SH3RF1: variants seen among roughly 807,000 people sequenced by gnomAD.
The protein encoded by SH3RF1 is SH3 domain containing ring finger 1, also known as E3 ubiquitin-protein ligase SH3RF1.
SH3RF1 carries 32 observed loss-of-function variants against 74.0 expected under a neutral mutation model. That is an observed-to-expected ratio of 0.43 (90% CI 0.33 to 0.58). The LOEUF (loss-of-function observed/expected upper bound fraction) is 0.58. Among genes scored for constraint, SH3RF1 ranks in the 20% least tolerant of loss-of-function variants. The pLI is 0.05. For synonymous variants in SH3RF1, 396 were observed against 439.6 expected (o/e 0.90, Z 1.24); for missense variants, 954 against 1,130.9 (o/e 0.84, Z 2.24).
chr4:169,170,936 G>A (rs946302139), intron 2 of SH3RF1, among the ~76,000 whole-genome samples: 5 of 152,188 alleles, frequency 3.3e-5, no homozygotes, highest in Non-Finnish European at 5.9e-5. Flanking sequence ...TGACAATAAG[G>A]AGAACTGTAA....
Position 169,148,251 on chromosome 4 carries a change from G to A in SH3RF1, c.765+7229C>T, listed in dbSNP as rs1038019193. ...GGGCAGGGCAGAAGTCTAGGGAAGC[G>A]ATGAACTGCAGAGTGGAGGCCACGA... On this transcript the variant is annotated intron_variant, in intron 4 of 11. Transcript: ENST00000284637. 1.1e-4 allele frequency among the ~76,000 whole-genome samples: 16 copies of A among 152,330 alleles called. No homozygotes were observed. In the South Asian group the frequency reaches 1.7e-3, roughly 16 times the overall value.
At chr4:169,231,356 A>G (rs1330408245) in intron 2 of SH3RF1, among the ~76,000 whole-genome samples, 1 of 152,192 alleles carries the variant, frequency 6.6e-6, no homozygotes, top group Non-Finnish European at 1.5e-5. Flanking sequence ...TCACGAGGTC[A>G]GGAGTTCGAG....
chr4:169,120,763 A>G, intron 8 of SH3RF1, 56 bp downstream of exon 8: 1 of 1,576,466 alleles, frequency 6.3e-7, no homozygotes, highest in Non-Finnish European at 8.7e-7. Context: ...AAAACCATGG[A>G]AAAGAACAAA....
chr4:169,267,353 A>G (rs1484091348), intron 2 of SH3RF1, among the ~76,000 whole-genome samples: 1 of 150,166 alleles, frequency 6.7e-6, no homozygotes, highest in Non-Finnish European at 1.5e-5. Context: ...CAAAGATGCA[A>G]ATCTACACCT....
At chr4:169,101,891 A>G (rs1268299797) in intron 11 of SH3RF1, among the ~76,000 whole-genome samples, 1 of 152,138 alleles carries the variant, frequency 6.6e-6, no homozygotes, top group Non-Finnish European at 1.5e-5. Flanking sequence ...CAAGAAACAG[A>G]GTCTTGCAAT....
chr4:169,232,819 T>C (rs1730764391), intron 2 of SH3RF1, among the ~76,000 whole-genome samples: 1 of 152,128 alleles, frequency 6.6e-6, no homozygotes, highest in Admixed American at 6.6e-5. Context: ...AGAAATAAGG[T>C]TCATGCCCAT....
chr4:169,146,672 G>C (rs1733900509), intron 4 of SH3RF1, among the ~76,000 whole-genome samples: 1 of 152,230 alleles, frequency 6.6e-6, no homozygotes, highest in South Asian at 2.1e-4. Flanking sequence ...CTAACTGCAG[G>C]GAGTAAGAAA....
rs138018097 is a variant in SH3RF1, at chr4:169,165,574, A to G, written c.394-8895T>C. ...TATGGTGGCACGTGCCTGTAGTCCA[A>G]TATTGTGCCACTGCACTCCAGCCTA... On this transcript the variant is annotated intron_variant, in intron 2 of 11. Coordinates refer to ENST00000284637, the MANE Select transcript of SH3RF1 (RefSeq NM_020870.4). Among the ~76,000 whole-genome samples the G allele has an allele frequency of 4.7e-3, 712 of 150,052 alleles. 9 individuals are homozygous for G. Among genetic ancestry groups the G allele is most frequent in the African/African-American group, 0.016 (646 of 41,022 alleles).
rs561830365 is a variant in SH3RF1 at position 169,137,970 on chromosome 4, G to C, written c.766-1350C>G. Among the ~76,000 whole-genome samples the C allele has an allele frequency of 8.5e-5, 13 of 152,282 alleles. No homozygotes were observed. In the South Asian group the frequency reaches 2.7e-3, roughly 32 times the overall value. ...CAGACTTTAAGAAGTTTCTCCACAT[G>C]ATAATCATTCAGAAATAATAGGCAG... On this transcript the variant is annotated intron_variant, in intron 4 of 11. Transcript: ENST00000284637.
At chr4:169,174,727 T>C (rs1215234318) in intron 2 of SH3RF1, among the ~76,000 whole-genome samples, 1 of 152,174 alleles carries the variant, frequency 6.6e-6, no homozygotes, top group Non-Finnish European at 1.5e-5. Flanking sequence ...TCATTTTTTC[T>C]TCTTCTTTTA....
At chr4:169,114,838 C>T (rs1733304502) in intron 10 of SH3RF1, among the ~76,000 whole-genome samples, 1 of 152,120 alleles carries the variant, frequency 6.6e-6, no homozygotes, top group Non-Finnish European at 1.5e-5. Context: ...TTATAAACTG[C>T]TGTTTACAGG....
rs752422055 is a variant in SH3RF1, at chr4:169,116,420, G to A, written c.1988C>T (p.Pro663Leu). ...ACTGGTGATGCTTGGGGAAGTCAGT[G>A]GAGCAGCTGCTGCACAGGCCAGAGG... The part of the protein sequence containing the change: ...SAPLACAAAA[P>L]LTSPSITSAS... The change falls in exon 10 of 12, where the codon CCA becomes CTA. Residue 663 changes from proline (P) to leucine (L), a missense_variant. By Grantham distance (98) the Pro-to-Leu change is moderately conservative. Transcript: ENST00000284637. 3 of 1,614,174 alleles carry A rather than the reference G, an allele frequency of 1.9e-6. No individual in the cohort carries two copies. The highest frequency in any genetic ancestry group is 3.3e-5 in the Admixed American group (2 of 60,026).
At chr4:169,266,296 T>G (rs935731466) in intron 2 of SH3RF1, among the ~76,000 whole-genome samples, 3 of 152,184 alleles carry the variant, frequency 2.0e-5, no homozygotes, top group Non-Finnish European at 4.4e-5. Flanking sequence ...GAAGCAACAT[T>G]CCACGTTATC....
Position 169,156,515 on chromosome 4 carries a change from G to C in SH3RF1, c.558C>G (p.Asn186Lys), listed in dbSNP as rs1450147437. The C allele has an allele frequency of 2.5e-5, 40 of 1,614,078 alleles. No individual in the cohort carries two copies. Among genetic ancestry groups the C allele is most frequent in the Non-Finnish European group, 3.2e-5 (38 of 1,179,982 alleles). The change falls in exon 3 of 12, where the codon AAC (asparagine) becomes AAG (lysine). Residue 186 changes from asparagine (N) to lysine (K), a missense_variant. Around this residue, in one of 3 missense-constraint regions of SH3RF1, gnomAD observed 854 missense variants for 962.5 expected, o/e 0.89. Coordinates refer to ENST00000284637, the MANE Select transcript of SH3RF1 (RefSeq NM_020870.4). ...VNGIHGFFPT[N>K]FVQIIKPLPQ... ...GTAACGGTTTAATAATCTGCACAAA[G>C]TTGGTGGGGAAAAAGCCATGGATTC... is the stretch of plus-strand genomic sequence containing the variant.
At chr4:169,254,528 A>G (rs901034399) in intron 2 of SH3RF1, among the ~76,000 whole-genome samples, 2 of 152,326 alleles carry the variant, frequency 1.3e-5, no homozygotes, top group Admixed American at 1.3e-4. Flanking sequence ...TGCTGACACT[A>G]TCGTAAAGAT....
intron 4 of SH3RF1, among the ~76,000 whole-genome samples, chr4:169,152,185 T>C (rs775405513): frequency 1.1e-4 from 16 of 152,152 alleles, no homozygotes; most frequent in Non-Finnish European, 1.8e-4. Context: ...CCTGTCTAAA[T>C]TGAATAGAAC....
chr4:169,130,193 T>C, intron 5 of SH3RF1, 37 bp from the exon 6 acceptor site: 1 of 1,391,014 alleles, frequency 7.2e-7, no homozygotes, highest in South Asian at 1.5e-5. Flanking sequence ...AAGAAGACTA[T>C]GTTTAATACA....
rs1333239027 is a variant in SH3RF1, at chr4:169,096,597, C to T, written c.2589G>A (p.Glu863=). 2 of 1,614,010 alleles carry T rather than the reference C, an allele frequency of 1.2e-6. No individual in the cohort carries two copies. Among genetic ancestry groups the T allele is most frequent in the Non-Finnish European group, 1.7e-6 (2 of 1,180,022 alleles). Residue 863 remains glutamate, a synonymous_variant, in exon 12 of 12, where the codon GAG becomes GAA. Transcript: ENST00000284637. The part of the protein sequence containing the change: ...GDIVFVHKKR[E]DGWFKGTLQR... ...GTAATGTGCCTTTGAACCAGCCATCCTCTCGTTTTTTATGAACAAACACAA... is the reference window on the plus strand; with the variant it reads ...GTAATGTGCCTTTGAACCAGCCATCTTCTCGTTTTTTATGAACAAACACAA...
chr4:169,153,580 T>C (rs1371574825), intron 4 of SH3RF1, among the ~76,000 whole-genome samples: 1 of 152,190 alleles, frequency 6.6e-6, no homozygotes, highest in African/African-American at 2.4e-5. Flanking sequence ...ACTGAAATAG[T>C]TGAATTTCAG....
Sources: gnomAD v4.1 joint callset for allele counts (sites outside exome capture counted in the v4.1 genomes callset) on GRCh38, gnomAD v4.1.1 for gene constraint, gnomAD v4.1.1 regional missense constraint, MANE v1.5 for transcripts, NCBI Gene and HGNC (gene_info 2026-07-23, HGNC 2026-07-21) for gene names.